Variants in INKA2 observed in about 807,000 individuals in gnomAD.
INKA2 encodes PAK4-inhibitor INKA2.
In INKA2, 3 loss-of-function variants were observed where a neutral mutation model predicts 9.8. The observed-to-expected ratio is 0.31, with a 90% CI of 0.14 to 0.79. The LOEUF (loss-of-function observed/expected upper bound fraction) is 0.79. INKA2 is among the 30% of genes least tolerant of loss of function. INKA2 has a pLI of 0.62. For missense variants in INKA2, 392 were observed against 384.4 expected (o/e 1.02, Z -0.17); for synonymous variants, 147 against 143.3 (o/e 1.03, Z -0.18).
rs1663082161 is a variant in INKA2 at position 111,739,212 on chromosome 1, A to T, written c.31T>A (p.Tyr11Asn). 6.2e-7 allele frequency: 1 copy of T among 1,613,670 alleles called. No individual in the cohort carries two copies. Reference sequence around the variant, plus strand: ...AGCTCCTGTTTGAGGCGACGGAGATAGCAGTCCATTTCCCTGCTCTCCATC... The same window carrying T: ...AGCTCCTGTTTGAGGCGACGGAGATTGCAGTCCATTTCCCTGCTCTCCATC... The part of the protein sequence containing the change: MTMESREMDC[Y>N]LRRLKQELMS... Residue 11 changes from tyrosine to asparagine, a missense_variant, in exon 1 of 2, where the codon TAT becomes AAT. Tyr to Asn is a moderately radical substitution (Grantham distance 143). Transcript: ENST00000357260.
chr1:111,728,146 A>G (rs568474748), intron 1 of INKA2, among the ~76,000 whole-genome samples: 1 of 152,028 alleles, frequency 6.6e-6, no homozygotes, highest in African/African-American at 2.4e-5. Flanking sequence ...AATTTGCCCA[A>G]GATAAGATAG....
intron 1 of INKA2, among the ~76,000 whole-genome samples, chr1:111,734,344 G>A (rs574846554): frequency 6.6e-6 from 1 of 152,198 alleles, no homozygotes; most frequent in African/African-American, 2.4e-5. Flanking sequence ...ACTTCTCTCC[G>A]TTGCAGTCAA....
At chr1:111,753,846 C>T (rs1005948863) in intron 1 of INKA2, 1 of 152,144 alleles carries the variant, frequency 6.6e-6, no homozygotes, top group African/African-American at 2.4e-5. Context: ...AAGAGCCAGA[C>T]TGGAATTATT....
chr1:111,731,167 G>C (rs549073483), intron 1 of INKA2, among the ~76,000 whole-genome samples: 1 of 152,312 alleles, frequency 6.6e-6, no homozygotes, highest in East Asian at 1.9e-4. Flanking sequence ...AATTCAAGCT[G>C]CCCATAAAAC....
At chr1:111,729,038 T>G (rs1662850554) in intron 1 of INKA2, among the ~76,000 whole-genome samples, 1 of 151,950 alleles carries the variant, frequency 6.6e-6, no homozygotes, top group South Asian at 2.1e-4. Flanking sequence ...CTTAGCCTCC[T>G]GAGTAGCTGG....
rs768170855 is a variant in INKA2, at chr1:111,727,946, A to G, written c.58-142T>C. ...CACCAGCCCCATCTCTCTATAGCCT[A>G]GTGCAGTGCAGATCAGTGCTGGGTA... is the stretch of plus-strand genomic sequence containing the variant. On this transcript the variant is annotated intron_variant, in intron 1 of 1. Transcript: ENST00000357260. 90 of 761,194 alleles carry G rather than the reference A, an allele frequency of 1.2e-4. 1 individual carries two copies. Among genetic ancestry groups the G allele is most frequent in the Admixed American group, 5.5e-4 (27 of 48,932 alleles). The allele number at this position is 761,194 out of a possible 1,614,324, so 47.2% of individuals were successfully genotyped here. A position where few individuals can be genotyped will look rare whatever the true frequency, so the allele number is the denominator to read the frequency against.
At position 111,723,458 on chromosome 1, in the gene INKA2, G is replaced by A. The variant is rs552363434; in HGVS notation, c.*3510C>T. 14 of 306,784 alleles carry A rather than the reference G, an allele frequency of 4.6e-5. No homozygotes were observed. Among genetic ancestry groups the A allele is most frequent in the Non-Finnish European group, 7.2e-5 (12 of 166,950 alleles). The allele number at this position is 306,784 out of a possible 1,614,324, so 19.0% of individuals were successfully genotyped here. On this transcript the variant is annotated 3_prime_UTR_variant, in exon 2 of 2. Transcript: ENST00000357260. ...GCATGCCCAGCAGGGACTCTTTTCT[G>A]TTCCCTGGGCCACAAAGAAGCAGGT... is the stretch of plus-strand genomic sequence containing the variant.
intron 1 of INKA2, among the ~76,000 whole-genome samples, chr1:111,751,556 A>T (rs1405392618): frequency 6.6e-6 from 1 of 152,168 alleles, no homozygotes; most frequent in Non-Finnish European, 1.5e-5. Context: ...CAGATTACTA[A>T]TCTTCTTCTG....
intron 1 of INKA2, chr1:111,753,941 G>A (rs960330356): frequency 1.3e-5 from 2 of 152,244 alleles, no homozygotes; most frequent in African/African-American, 4.8e-5. Flanking sequence ...TCTGGAGCTG[G>A]ACCCAAACAG....
At chr1:111,744,232 A>T (rs1663209588), upstream of INKA2, 1 of 152,236 alleles carries the variant, frequency 6.6e-6, no homozygotes, top group South Asian at 2.1e-4. Context: ...GAACCCTCTC[A>T]GTTCCAAAAG....
chr1:111,740,274 G>A (rs1278261846), upstream of INKA2, among the ~76,000 whole-genome samples: 1 of 152,250 alleles, frequency 6.6e-6, no homozygotes, highest in African/African-American at 2.4e-5. Flanking sequence ...GCGCTCTAAG[G>A]CCGGGACGCT....
At chr1:111,755,164 G>A (rs1293335888) in intron 1 of INKA2, 2 of 158,088 alleles carry the variant, frequency 1.3e-5, no homozygotes, top group Non-Finnish European at 2.8e-5. Flanking sequence ...ATGCGGAGGC[G>A]GATGCATGGA....
chr1:111,727,380 A>T lies in INKA2; in HGVS notation c.482T>A (p.Val161Asp). Reference sequence around the variant, plus strand: ...CCAATTGCCCACCAGGTCTGCAAAAACGTTGTCCCCTAACACCAGAGGCTG... The same window carrying T: ...CCAATTGCCCACCAGGTCTGCAAAATCGTTGTCCCCTAACACCAGAGGCTG... Reference protein sequence around the residue: ...NRQPLVLGDNVFADLVGNWLD... With the variant: ...NRQPLVLGDNDFADLVGNWLD... Residue 161 changes from valine (V) to aspartate (D), a missense_variant, in exon 2 of 2, where the codon GTT becomes GAT. Coordinates refer to ENST00000357260, the MANE Select transcript of INKA2 (RefSeq NM_019099.5). The T allele has an allele frequency of 6.2e-7, 1 of 1,613,826 alleles. No individual in the cohort carries two copies. Among genetic ancestry groups the T allele is most frequent in the Non-Finnish European group, 8.5e-7 (1 of 1,179,942 alleles).
Position 111,727,562 on chromosome 1 carries a change from G to A in INKA2, c.300C>T (p.Gly100=), listed in dbSNP as rs755902727. ...TATGGGATGGAAACTTGGTGCTGCT[G>A]CCAAGAGAAGGTTGACTGGAGGGGG... ...VCSPSSQPSL[G]SSTKFPSHRS... is the part of the protein sequence containing the mutation. The change falls in exon 2 of 2, where the codon GGC becomes GGT. Residue 100 remains glycine (G), a synonymous_variant. Coordinates refer to ENST00000357260, the MANE Select transcript of INKA2 (RefSeq NM_019099.5). The A allele has an allele frequency of 3.2e-5, 51 of 1,613,056 alleles. No homozygotes were observed. Among genetic ancestry groups the A allele is most frequent in the Non-Finnish European group, 4.0e-5 (47 of 1,179,526 alleles).
intron 1 of INKA2, chr1:111,745,294 T>TATATATATATATATA (rs372884823): frequency 5.3e-4 from 19 of 35,898 alleles, no homozygotes; most frequent in African/African-American, 1.4e-3. Flanking sequence ...TATATATATA[T>TATATATATATATATA]TTTTTTTTTT....
chr1:111,739,623 T>G (rs528526058), upstream of INKA2, among the ~76,000 whole-genome samples: 68 of 152,308 alleles, frequency 4.5e-4, no homozygotes, highest in African/African-American at 1.6e-3. Context: ...GAGGGCATCG[T>G]GACTCCAGGC....
Position 111,724,824 on chromosome 1 carries a change from C to T in INKA2, c.*2144G>A, listed in dbSNP as rs1662732080. On this transcript the variant is annotated 3_prime_UTR_variant, in exon 2 of 2. Transcript: ENST00000357260. Reference sequence around the variant, plus strand: ...TTTTGGAGCCAGATAACCCAACCCTCTGTTCAAATCTCTGTCCTTTCCTTT... The same window carrying T: ...TTTTGGAGCCAGATAACCCAACCCTTTGTTCAAATCTCTGTCCTTTCCTTT... 1 of 152,234 alleles carries T rather than the reference C, an allele frequency of 6.6e-6. No homozygotes were observed. Among genetic ancestry groups the T allele is most frequent in the South Asian group, 2.1e-4 (1 of 4,834 alleles). 9.4% of individuals were successfully genotyped at this position (152,234 alleles called of 1,614,324 possible).
chr1:111,730,630 G>A (rs1042338134), intron 1 of INKA2, among the ~76,000 whole-genome samples: 19 of 152,000 alleles, frequency 1.3e-4, no homozygotes, highest in Non-Finnish European at 2.1e-4. Flanking sequence ...TCCCTGAGAC[G>A]TACCCCCCAT....
Position 111,739,191 on chromosome 1 carries a change from C to G in INKA2, c.52G>C (p.Glu18Gln), listed in dbSNP as rs1488978771. ...MDCYLRRLKQ[E>Q]LMSMKEVGDG... ...GGCGCCAGCTTCGCTCTTACCAGCT[C>G]CTGTTTGAGGCGACGGAGATAGCAG... Residue 18 changes from glutamate (E) to glutamine (Q), a missense_variant, in exon 1 of 2, where the codon GAG becomes CAG. Physicochemically the swap from Glu to Gln is conservative, Grantham distance 29. Transcript: ENST00000357260. 1 of 1,613,658 alleles carries G rather than the reference C, an allele frequency of 6.2e-7. No homozygotes were observed. The highest frequency in any genetic ancestry group is 2.2e-5 in the East Asian group (1 of 44,832).
Sources: gnomAD v4.1 joint callset for allele counts (sites outside exome capture counted in the v4.1 genomes callset) on GRCh38, gnomAD v4.1.1 for gene constraint, MANE v1.5 for transcripts, NCBI Gene and HGNC (gene_info 2026-07-23, HGNC 2026-07-21) for gene names.